The following LRBA variants were observed in gnomAD, a reference collection of about 807,000 sequenced individuals.
LRBA encodes the protein lipopolysaccharide-responsive and beige-like anchor protein.
LRBA carries 176 observed loss-of-function variants against 330.0 expected under a neutral mutation model. The observed-to-expected ratio is 0.53, with a 90% CI of 0.47 to 0.60. The LOEUF is 0.60. LRBA is among the 20% of genes least tolerant of loss of function. The pLI is 0.00. For synonymous variants in LRBA, 1,230 were observed against 1,193.0 expected (o/e 1.03, Z -0.64); for missense variants, 3,259 against 3,444.8 (o/e 0.95, Z 1.35).
At chr4:150,899,464 C>A (rs544543030) in intron 14 of LRBA, among the ~76,000 whole-genome samples, 5 of 152,178 alleles carry the variant, frequency 3.3e-5, no homozygotes, top group Non-Finnish European at 2.9e-5. Flanking sequence ...TTGATGTAAG[C>A]CAGTTCCAAG....
At chr4:150,839,110 T>G (rs1185127536) in intron 28 of LRBA, among the ~76,000 whole-genome samples, 1 of 152,098 alleles carries the variant, frequency 6.6e-6, no homozygotes, top group Non-Finnish European at 1.5e-5. Context: ...AAGAAGATAT[T>G]TATGCAGCCA....
At chr4:150,672,654 TAAC>T (rs1782169743) in intron 37 of LRBA, among the ~76,000 whole-genome samples, 1 of 152,046 alleles carries the variant, frequency 6.6e-6, no homozygotes, top group Non-Finnish European at 1.5e-5. Context: ...GAGATATAAG[TAAC>T]AACATTCTAA....
chr4:150,501,127 T>C (rs1019449224), intron 40 of LRBA, among the ~76,000 whole-genome samples: 2 of 152,192 alleles, frequency 1.3e-5, no homozygotes, highest in African/African-American at 4.8e-5. Flanking sequence ...TAAATAAGAC[T>C]TTTGGGGTTA....
intron 47 of LRBA, among the ~76,000 whole-genome samples, chr4:150,404,532 G>A (rs1745922918): frequency 6.6e-6 from 1 of 152,162 alleles, no homozygotes; most frequent in African/African-American, 2.4e-5. Context: ...GGTAAGAAAA[G>A]CATGAGGAGT....
intron 17 of LRBA, among the ~76,000 whole-genome samples, chr4:150,877,620 C>T (rs978042335): frequency 1.3e-5 from 2 of 152,246 alleles, no homozygotes; most frequent in African/African-American, 4.8e-5. Flanking sequence ...TTAGACATGC[C>T]ATGGAGGCAG....
intron 2 of LRBA, among the ~76,000 whole-genome samples, chr4:150,995,675 T>C (rs998525720): frequency 6.6e-6 from 1 of 151,984 alleles, no homozygotes; most frequent in Non-Finnish European, 1.5e-5. Flanking sequence ...TGGCTTGCTT[T>C]AGGAAGTACA....
At chr4:150,640,940 C>T (rs12508892) in intron 37 of LRBA, among the ~76,000 whole-genome samples, 118,220 of 152,156 alleles carry the variant, frequency 0.78, 50,830 homozygotes, top group Non-Finnish European at 0.95. Context: ...TACAACCACT[C>T]TCTATCACAT....
At chr4:150,506,564 A>C (rs1306785913) in intron 40 of LRBA, among the ~76,000 whole-genome samples, 1 of 152,174 alleles carries the variant, frequency 6.6e-6, no homozygotes, top group East Asian at 1.9e-4. Flanking sequence ...ATTAGGTATT[A>C]ATGGGACATA....
chr4:150,968,795 T>C (rs1469091751), intron 2 of LRBA, among the ~76,000 whole-genome samples: 2 of 152,214 alleles, frequency 1.3e-5, no homozygotes, highest in South Asian at 2.1e-4. Flanking sequence ...TGCAAGAAGA[T>C]GCCATCTAGG....
rs1255534987 is a variant in LRBA, at chr4:150,852,120, G to C, written c.3590C>G (p.Ser1197Cys). 6.2e-7 allele frequency: 1 copy of C among 1,614,060 alleles called. No individual in the cohort carries two copies. Among genetic ancestry groups the C allele is most frequent in the East Asian group, 2.2e-5 (1 of 44,870 alleles). ...AAGGTCTGATTCTACAGCTATTTGGGAAACAGTAGTTTCTGGTGACATAGC... is the reference window on the plus strand; with the variant it reads ...AAGGTCTGATTCTACAGCTATTTGGCAAACAGTAGTTTCTGGTGACATAGC... ...SSAMSPETTV[S>C]QIAVESDLGQ... Residue 1197 changes from serine (S) to cysteine (C), a missense_variant, in exon 23 of 57, where the codon TCC (serine) becomes TGC (cysteine). Transcript: ENST00000651943.
intron 4 of LRBA, among the ~76,000 whole-genome samples, chr4:150,921,975 G>A (rs10008077): frequency 6.6e-6 from 1 of 152,012 alleles, no homozygotes; most frequent in East Asian, 1.9e-4. Flanking sequence ...CACCTGCCTG[G>A]GCCTCCCAAA....
chr4:150,936,289 AGAAAAATTAAGAG>A (rs1263341627), intron 2 of LRBA, among the ~76,000 whole-genome samples: 1 of 152,100 alleles, frequency 6.6e-6, no homozygotes, highest in Non-Finnish European at 1.5e-5. Context: ...CCAATGATTA[AGAAAAATTAAGAG>A]GAAAAATTCA....
rs771266173 is a variant in LRBA, at chr4:150,325,851, T to A, written c.7410A>T (p.Leu2470=). ...IRSFGQTPSQ[L]LIEPHPPRGS... Reference sequence around the variant, plus strand: ...CTCTGGGAGGATGGGGCTCTATGAGTAGTTGAGAAGGAGTCTGTCCAAAAC... The same window carrying A: ...CTCTGGGAGGATGGGGCTCTATGAGAAGTTGAGAAGGAGTCTGTCCAAAAC... The change falls in exon 49 of 57, where the codon CTA becomes CTT. Residue 2470 remains leucine, a synonymous_variant. Coordinates refer to ENST00000651943, the MANE Select transcript of LRBA (RefSeq NM_001364905.1). 15 of 1,613,356 alleles carry A rather than the reference T, an allele frequency of 9.3e-6. No individual in the cohort carries two copies. Among genetic ancestry groups the A allele is most frequent in the Non-Finnish European group, 1.2e-5 (14 of 1,179,686 alleles).
At chr4:150,628,061 A>G (rs1777022725) in intron 37 of LRBA, among the ~76,000 whole-genome samples, 1 of 152,128 alleles carries the variant, frequency 6.6e-6, no homozygotes, top group African/African-American at 2.4e-5. Context: ...ATTCCAATAT[A>G]CCATAAATCA....
At chr4:150,328,509 G>T (rs927993542) in intron 48 of LRBA, among the ~76,000 whole-genome samples, 2 of 152,090 alleles carry the variant, frequency 1.3e-5, no homozygotes, top group African/African-American at 4.8e-5. Flanking sequence ...TGGAGATAGG[G>T]TTATTCAACT....
intron 2 of LRBA, among the ~76,000 whole-genome samples, chr4:150,939,452 G>C (rs941914187): frequency 3.3e-5 from 5 of 152,138 alleles, no homozygotes; most frequent in African/African-American, 4.8e-5. Flanking sequence ...CAGAAGTCAG[G>C]AAAGAAACAT....
intron 53 of LRBA, among the ~76,000 whole-genome samples, chr4:150,297,140 T>C (rs1729077449): frequency 2.0e-5 from 2 of 101,700 alleles, no homozygotes; most frequent in Admixed American, 9.0e-5. Flanking sequence ...AATTCTTCTG[T>C]TCTCATATTT....
intron 14 of LRBA, among the ~76,000 whole-genome samples, chr4:150,898,380 C>T (rs1223959244): frequency 6.6e-6 from 1 of 151,998 alleles, no homozygotes; most frequent in African/African-American, 2.4e-5. Flanking sequence ...TAGAAAAGTC[C>T]TTGGTCACAC....
chr4:150,307,755 T>C (rs1033820529), intron 52 of LRBA, among the ~76,000 whole-genome samples: 1 of 151,758 alleles, frequency 6.6e-6, no homozygotes, highest in African/African-American at 2.4e-5. Flanking sequence ...TTCTTTAAAA[T>C]AGGCAGAAAA....
Sources: gnomAD v4.1 joint callset for allele counts (sites outside exome capture counted in the v4.1 genomes callset) on GRCh38, gnomAD v4.1.1 for gene constraint, MANE v1.5 for transcripts, NCBI Gene and HGNC (gene_info 2026-07-23, HGNC 2026-07-21) for gene names.